MYO18B: variants seen among roughly 807,000 people sequenced by gnomAD.
The protein encoded by MYO18B is unconventional myosin-XVIIIb.
Under a neutral mutation model 273.0 loss-of-function variants are expected in MYO18B, and 204 were observed. The observed-to-expected ratio is 0.75, with a 90% CI of 0.67 to 0.84. MYO18B has a LOEUF of 0.84. MYO18B is among the 40% of genes least tolerant of loss of function. The probability of loss-of-function intolerance (pLI) is 0.00; values close to 1 mark genes in which losing one functional copy is unlikely to be tolerated. For missense variants in MYO18B, 3,212 were observed against 3,287.6 expected (o/e 0.98, Z 0.56); for synonymous variants, 1,330 against 1,305.7 (o/e 1.02, Z -0.40).
At chr22:25,827,385 G>A (rs1204080277) in intron 14 of MYO18B, among the ~76,000 whole-genome samples, 1 of 152,188 alleles carries the variant, frequency 6.6e-6, no homozygotes, top group Admixed American at 6.5e-5. Flanking sequence ...ATTTGGAGTG[G>A]GCTGGGGTGT....
chr22:25,780,084 C>T lies in MYO18B; in HGVS notation c.2097C>T (p.Val699=). Residue 699 remains valine, a synonymous_variant, in exon 9 of 44, where the codon GTC becomes GTT. Transcript: ENST00000335473. ...SVEKIRATFT[V]LRAFGSVSMA... ...AGAAGATCCGAGCCACCTTCACTGT[C>T]CTCCGGGCCTTCGGCTCTGTGTCCA... 2 of 1,597,032 alleles carry T rather than the reference C, an allele frequency of 1.3e-6. No homozygotes were observed. The highest frequency in any genetic ancestry group is 1.7e-6 in the Non-Finnish European group (2 of 1,173,034).
downstream of MYO18B, among the ~76,000 whole-genome samples, chr22:26,034,660 AT>A (rs1166875780): frequency 3.3e-5 from 5 of 152,208 alleles, no homozygotes; most frequent in African/African-American, 9.6e-5. Context: ...TCATGAATCC[AT>A]GTGGATTAAA....
the MYO18B span, among the ~76,000 whole-genome samples, chr22:26,039,947 C>T: frequency 6.6e-5 from 10 of 152,180 alleles, no homozygotes; most frequent in Non-Finnish European, 1.2e-4. Flanking sequence ...ACCTCAGCCT[C>T]CTGAGTGGCT....
rs577931213 is a variant in MYO18B, at chr22:26,027,419, G to A, written c.7445G>A (p.Arg2482His). ...SIHFETEEAN[R>H]SFLSGIKTIL... Reference sequence around the variant, plus strand: ...CACTTTGAAACGGAAGAGGCTAACCGTTCCTTTCTCTCGGGGATCAAGACC... The same window carrying A: ...CACTTTGAAACGGAAGAGGCTAACCATTCCTTTCTCTCGGGGATCAAGACC... Residue 2482 changes from arginine (R) to histidine (H), a missense_variant, in exon 43 of 44, where the codon CGT (arginine) becomes CAT (histidine). Coordinates refer to ENST00000335473, the MANE Select transcript of MYO18B (RefSeq NM_032608.7). The surrounding 1 kb of genome is among the most constrained non-coding windows in gnomAD (Gnocchi z 4.1). The A allele has an allele frequency of 8.1e-6, 13 of 1,613,934 alleles. No individual in the cohort carries two copies. The highest frequency in any genetic ancestry group is 1.6e-4 in the Middle Eastern group (1 of 6,062).
At chr22:26,014,500 G>A in intron 42 of MYO18B, among the ~76,000 whole-genome samples, 1 of 152,078 alleles carries the variant, frequency 6.6e-6, no homozygotes, top group East Asian at 1.9e-4. Context: ...TGCAGGATTT[G>A]GCCTTTTGAG....
intron 34 of MYO18B, among the ~76,000 whole-genome samples, chr22:25,931,096 A>G (rs529529286): frequency 1.3e-5 from 2 of 152,324 alleles, no homozygotes; most frequent in South Asian, 2.1e-4. Context: ...GCCAGGAACT[A>G]TGGAACAGGT....
the MYO18B span, among the ~76,000 whole-genome samples, chr22:26,036,649 T>G: frequency 6.6e-6 from 1 of 152,162 alleles, no homozygotes; most frequent in South Asian, 2.1e-4. Flanking sequence ...GTCTAAAGTT[T>G]ATGGTCTTCC....
At chr22:25,809,014 G>T (rs1288743963) in intron 12 of MYO18B, among the ~76,000 whole-genome samples, 1 of 152,076 alleles carries the variant, frequency 6.6e-6, no homozygotes, top group African/African-American at 2.4e-5. Context: ...TGCAATCTTG[G>T]CTTACAGCAA....
intron 34 of MYO18B, among the ~76,000 whole-genome samples, chr22:25,934,818 G>A (rs1449178583): frequency 6.6e-6 from 1 of 152,164 alleles, no homozygotes; most frequent in Non-Finnish European, 1.5e-5. Flanking sequence ...AATGAGGGCA[G>A]ATTTGCCCTG....
rs1262048246 is a variant in MYO18B at position 25,955,339 on chromosome 22, A to G, written c.6131A>G (p.Glu2044Gly). The G allele has an allele frequency of 6.2e-7, 1 of 1,613,406 alleles. No homozygotes were observed. Residue 2044 changes from glutamate (E) to glycine (G), a missense_variant, in exon 39 of 44, where the codon GAG (glutamate) becomes GGG (glycine). Physicochemically the swap from Glu to Gly is moderately conservative, Grantham distance 98. Coordinates refer to ENST00000335473, the MANE Select transcript of MYO18B (RefSeq NM_032608.7). ...GAAGAGCTGGTGCAGCGGGAGGCAG[A>G]GGCCAGCCGGCGGTGCATGGAGCTG... The part of the protein sequence containing the change: ...DMEELVQREA[E>G]ASRRCMELEK...
intron 42 of MYO18B, among the ~76,000 whole-genome samples, chr22:26,011,689 T>A (rs1003910843): frequency 6.6e-6 from 1 of 152,230 alleles, no homozygotes; most frequent in Non-Finnish European, 1.5e-5. Flanking sequence ...ATGGCCAATC[T>A]ATCATCACAT....
intron 12 of MYO18B, among the ~76,000 whole-genome samples, chr22:25,823,138 G>A (rs1275835458): frequency 6.6e-6 from 1 of 152,182 alleles, no homozygotes; most frequent in Non-Finnish European, 1.5e-5. Context: ...TAGGTAGGTG[G>A]CTTGCAGGGG....
At chr22:25,778,629 G>A (rs1328143228) in intron 8 of MYO18B, among the ~76,000 whole-genome samples, 1 of 151,818 alleles carries the variant, frequency 6.6e-6, no homozygotes, top group Non-Finnish European at 1.5e-5. Context: ...ACAGGTACAC[G>A]CCACCACCCT....
At chr22:25,851,401 T>C in intron 20 of MYO18B, 69 bp from the exon 21 acceptor site, 1 of 1,067,554 alleles carries the variant, frequency 9.4e-7, no homozygotes, top group Non-Finnish European at 1.4e-6. Flanking sequence ...GTCTAGGGGT[T>C]TAGGGAACTG....
At chr22:26,046,805 G>A in the MYO18B span, among the ~76,000 whole-genome samples, 3 of 152,146 alleles carry the variant, frequency 2.0e-5, no homozygotes, top group Non-Finnish European at 4.4e-5. Context: ...TCCATTATCA[G>A]GAAACAAACC....
chr22:25,747,389 C>G (rs907873184), intron 1 of MYO18B, among the ~76,000 whole-genome samples: 14 of 152,236 alleles, frequency 9.2e-5, no homozygotes, highest in Non-Finnish European at 2.1e-4. Context: ...CAATACAACA[C>G]TCTGGGCAGC....
chr22:25,877,964 G>A lies in MYO18B; in HGVS notation c.4230G>A (p.Glu1410=). 6.4e-7 allele frequency: 1 copy of A among 1,572,012 alleles called. No homozygotes were observed. Among genetic ancestry groups the A allele is most frequent in the Non-Finnish European group, 8.6e-7 (1 of 1,158,118 alleles). ...GTEQLRAKEE[E]LTTLRRKLEK... Reference sequence around the variant, plus strand: ...TCATGTGTTTGTTTTTGTAGGAGGAGCTTACAACGCTAAGACGGAAGCTAG... The same window carrying A: ...TCATGTGTTTGTTTTTGTAGGAGGAACTTACAACGCTAAGACGGAAGCTAG... Residue 1410 remains glutamate (E), a synonymous_variant, in exon 25 of 44, where the codon GAG becomes GAA. Transcript: ENST00000335473.
Position 25,955,167 on chromosome 22 carries a change from T to C in MYO18B, c.5971-12T>C, listed in dbSNP as rs771748650. On this transcript the variant is annotated splice_polypyrimidine_tract_variant and intron_variant, in intron 38 of 43. Coordinates refer to ENST00000335473, the MANE Select transcript of MYO18B (RefSeq NM_032608.7). ...CAACTCCAAGGTGGGCATGTGTCTC[T>C]GCCCCTCCCAGGTCCTGGTGATCCG... The C allele has an allele frequency of 5.0e-6, 8 of 1,588,326 alleles. No individual in the cohort carries two copies. The highest frequency in any genetic ancestry group is 6.0e-6 in the Non-Finnish European group (7 of 1,165,584).
rs572943921 is a variant in MYO18B at position 26,025,979 on chromosome 22, A to G, written c.6471-466A>G. Among the ~76,000 whole-genome samples the G allele has an allele frequency of 4.6e-5, 7 of 152,344 alleles. No homozygotes were observed. The East Asian group carries it at 1.3e-3, about 29-fold the overall frequency. ...GAAACAATCAGGGATGTCATGGGGT[A>G]TCCCGTGGAGACACATATTTGGGTC... On this transcript the variant is annotated intron_variant, in intron 42 of 43. Transcript: ENST00000335473.
Sources: gnomAD v4.1 joint callset for allele counts (sites outside exome capture counted in the v4.1 genomes callset) on GRCh38, gnomAD v4.1.1 for gene constraint, Gnocchi (gnomAD v3.1) non-coding constraint, MANE v1.5 for transcripts, NCBI Gene and HGNC (gene_info 2026-07-23, HGNC 2026-07-21) for gene names.